The following SULT2B1 variants were observed in gnomAD, a reference collection of about 807,000 sequenced individuals.
SULT2B1 encodes the protein sulfotransferase 2B1.
A neutral mutation model predicts 33.2 loss-of-function variants in SULT2B1; 16 were observed. The observed-to-expected ratio is 0.48, with a 90% confidence interval of 0.33 to 0.73. The LOEUF (loss-of-function observed/expected upper bound fraction) is 0.73, where lower values mean the gene tolerates loss of function less well. Ranked by LOEUF, SULT2B1 falls within the 30% of genes least tolerant of loss-of-function variation. The probability of loss-of-function intolerance (pLI) is 0.02; values close to 1 mark genes in which losing one functional copy is unlikely to be tolerated. For synonymous variants in SULT2B1, 186 were observed against 200.5 expected (o/e 0.93, Z 0.61); for missense variants, 500 against 506.0 (o/e 0.99, Z 0.11).
At chr19:48,562,381 T>A (rs556069852) in intron 1 of SULT2B1, among the ~76,000 whole-genome samples, 1 of 149,922 alleles carries the variant, frequency 6.7e-6, no homozygotes, top group Admixed American at 6.7e-5. Flanking sequence ...AGCGAAACTC[T>A]GTCTCAAAAA....
At chr19:48,587,539 T>A in intron 3 of SULT2B1, 102 bp downstream of exon 3, 4 of 1,310,662 alleles carry the variant, frequency 3.1e-6, no homozygotes, top group Non-Finnish European at 4.3e-6. Context: ...ACCTATTTGT[T>A]AAACACCTAC....
Position 48,599,207 on chromosome 19 carries a change from AGATGCGGGG to A in SULT2B1, c.905_913del (p.Arg302_Met304del). ...GCCTTCGATCGTGCCTACCGCAAGC[AGATGCGGGG>A]GATGCCGACCTTCCCCTGGGATGAA... On this transcript the variant is annotated inframe_deletion, in exon 7 of 7. Transcript: ENST00000201586. This position sits in a 1 kb window ranked among gnomAD's most constrained non-coding sequence, Gnocchi z 4.1. The A allele has an allele frequency of 6.2e-7, 1 of 1,606,746 alleles. No individual in the cohort carries two copies.
Position 48,599,191 on chromosome 19 carries a change from C to G in SULT2B1, c.883C>G (p.Arg295Gly), listed in dbSNP as rs920026531. 4 of 1,603,450 alleles carry G rather than the reference C, an allele frequency of 2.5e-6. No homozygotes were observed. Among genetic ancestry groups the G allele is most frequent in the Non-Finnish European group, 3.4e-6 (4 of 1,177,204 alleles). The change falls in exon 7 of 7, where the codon CGT (arginine) becomes GGT (glycine). Residue 295 changes from arginine (R) to glycine (G), a missense_variant. Transcript: ENST00000201586. The surrounding 1 kb of genome is among the most constrained non-coding windows in gnomAD (Gnocchi z 4.1). ...GGTGGCCCAGAGCGAAGCCTTCGAT[C>G]GTGCCTACCGCAAGCAGATGCGGGG... is the stretch of plus-strand genomic sequence containing the variant. ...FTVAQSEAFDRAYRKQMRGMP... is the reference protein window; with the variant it reads ...FTVAQSEAFDGAYRKQMRGMP...
Position 48,576,359 on chromosome 19 carries a change from C to CTTTTCTTTTTTTTTTTTTTTTTTT in SULT2B1, c.214+280_214+281insCTTTTTTTTTTTTTTTTTTTTTTT. 2.2e-4 allele frequency among the ~76,000 whole-genome samples: 21 copies of CTTTTCTTTTTTTTTTTTTTTTTTT among 96,708 alleles called. 2 individuals are homozygous for CTTTTCTTTTTTTTTTTTTTTTTTT. Among genetic ancestry groups the CTTTTCTTTTTTTTTTTTTTTTTTT allele is most frequent in the African/African-American group, 4.7e-4 (11 of 23,308 alleles). 63.4% of individuals were successfully genotyped at this position (96,708 alleles called of 152,430 possible). A position where few individuals can be genotyped will look rare whatever the true frequency, so the allele number is the denominator to read the frequency against. Reference sequence around the variant, plus strand: ...CCTTTCCCCTTTACCCTCTACTTCTCTTTTTTTTTTTTTTTTTTGTAGAGA... The same window carrying CTTTTCTTTTTTTTTTTTTTTTTTT: ...CCTTTCCCCTTTACCCTCTACTTCTCTTTTCTTTTTTTTTTTTTTTTTTTTTTTTTTTTTTTTTTTTTGTAGAGA... On this transcript the variant is annotated intron_variant, in intron 2 of 6. Transcript: ENST00000201586.
intron 1 of SULT2B1, among the ~76,000 whole-genome samples, chr19:48,562,601 A>AT (rs1399010958): frequency 6.6e-6 from 1 of 152,032 alleles, no homozygotes; most frequent in Non-Finnish European, 1.5e-5. Flanking sequence ...GTTTATATGG[A>AT]TTTTTATTAT....
In SULT2B1 at chr19:48,552,233, C is replaced by G. The variant is rs772442866; in HGVS notation, c.-20C>G. 1 of 1,612,734 alleles carries G rather than the reference C, an allele frequency of 6.2e-7. No individual in the cohort carries two copies. The highest frequency in any genetic ancestry group is 1.1e-5 in the South Asian group (1 of 90,910). On this transcript the variant is annotated 5_prime_UTR_variant, in exon 1 of 7. Transcript: ENST00000201586. This position sits in a 1 kb window ranked among gnomAD's most constrained non-coding sequence, Gnocchi z 4.8. Reference sequence around the variant, plus strand: ...CCTGCTCCCTGCTCGTCCTCCCCTCCCCACCCTCACCCACCTGCCATGGAC... The same window carrying G: ...CCTGCTCCCTGCTCGTCCTCCCCTCGCCACCCTCACCCACCTGCCATGGAC...
At chr19:48,585,602 G>A (rs1973550414) in intron 2 of SULT2B1, among the ~76,000 whole-genome samples, 1 of 150,932 alleles carries the variant, frequency 6.6e-6, no homozygotes, top group Admixed American at 6.6e-5. Flanking sequence ...CCGGGAGGCG[G>A]AGGTTGCAGT....
At chr19:48,591,494 G>C in intron 3 of SULT2B1, 115 bp from the exon 4 acceptor site, 1 of 1,249,098 alleles carries the variant, frequency 8.0e-7, no homozygotes, top group Non-Finnish European at 1.1e-6. Context: ...AGTCTGCCCT[G>C]AGTCCTTCCT....
intron 1 of SULT2B1, among the ~76,000 whole-genome samples, chr19:48,566,362 G>A (rs1190529663): frequency 6.6e-6 from 1 of 152,066 alleles, no homozygotes; most frequent in African/African-American, 2.4e-5. Flanking sequence ...GGGATCACAG[G>A]CACGAGCCAC....
intron 1 of SULT2B1, among the ~76,000 whole-genome samples, chr19:48,573,563 G>A (rs1369569677): frequency 2.0e-5 from 3 of 152,126 alleles, no homozygotes; most frequent in African/African-American, 7.2e-5. Flanking sequence ...GGCCCAGAGA[G>A]TGGCAGGGTC....
At chr19:48,597,864 C>T (rs533355325) in intron 6 of SULT2B1, among the ~76,000 whole-genome samples, 35 of 149,110 alleles carry the variant, frequency 2.3e-4, no homozygotes, top group South Asian at 1.3e-3. Context: ...AGGATGGTCT[C>T]GATCTCCTGA....
chr19:48,555,690 TCAGCCTC>T lies in SULT2B1; in HGVS notation c.71+3371_71+3377del, dbSNP rs1466059466. ...TCTGGATTCAAGTGATTCTCTTGCC[TCAGCCTC>T]CAGAGTAGCTGGGATTACAGGCATG... On this transcript the variant is annotated intron_variant, in intron 1 of 6. Coordinates refer to ENST00000201586, the MANE Select transcript of SULT2B1 (RefSeq NM_177973.2). Among the ~76,000 whole-genome samples, 3 of 152,100 alleles carry T rather than the reference TCAGCCTC, an allele frequency of 2.0e-5. No individual in the cohort carries two copies. In the East Asian group the frequency reaches 5.8e-4, roughly 29 times the overall value.
At chr19:48,565,174 C>T (rs532541335) in intron 1 of SULT2B1, among the ~76,000 whole-genome samples, 10 of 152,082 alleles carry the variant, frequency 6.6e-5, no homozygotes, top group Admixed American at 2.6e-4. Flanking sequence ...GACCCGCCTC[C>T]GTAGGCCTCC....
At chr19:48,561,774 T>A (rs902544180) in intron 1 of SULT2B1, among the ~76,000 whole-genome samples, 1 of 152,110 alleles carries the variant, frequency 6.6e-6, no homozygotes, top group African/African-American at 2.4e-5. Flanking sequence ...ATCAGGCAGA[T>A]GTGGGTGAGA....
In SULT2B1 at chr19:48,561,603, G is replaced by A. The variant is rs544184338; in HGVS notation, c.71+9280G>A. 3.3e-5 allele frequency among the ~76,000 whole-genome samples: 5 copies of A among 152,216 alleles called. No homozygotes were observed. The South Asian group carries it at 1.0e-3, about 32-fold the overall frequency. ...GTCGTGCAGGGTGCGGTTCCACGGTGTAGTGGAGCATGCGACATTCAGGGA... is the reference window on the plus strand; with the variant it reads ...GTCGTGCAGGGTGCGGTTCCACGGTATAGTGGAGCATGCGACATTCAGGGA... On this transcript the variant is annotated intron_variant, in intron 1 of 6. Coordinates refer to ENST00000201586, the MANE Select transcript of SULT2B1 (RefSeq NM_177973.2).
At chr19:48,563,959 CAAA>C (rs35211958) in intron 1 of SULT2B1, among the ~76,000 whole-genome samples, 4 of 117,314 alleles carry the variant, frequency 3.4e-5, no homozygotes, top group Non-Finnish European at 3.6e-5. Flanking sequence ...GACTTCCTCT[CAAA>C]AAAAAAAAAA....
At chr19:48,593,703 C>T (rs1052876655) in intron 5 of SULT2B1, among the ~76,000 whole-genome samples, 2 of 150,944 alleles carry the variant, frequency 1.3e-5, no homozygotes, top group African/African-American at 2.4e-5. Flanking sequence ...GGCATGATCT[C>T]GGCTCACCGC....
intron 1 of SULT2B1, among the ~76,000 whole-genome samples, chr19:48,557,266 T>C (rs1973111303): frequency 6.6e-6 from 1 of 151,990 alleles, no homozygotes; most frequent in Non-Finnish European, 1.5e-5. Context: ...GAGATCGGGC[T>C]CTGTGGCTCA....
intron 2 of SULT2B1, among the ~76,000 whole-genome samples, chr19:48,576,816 T>G (rs1973418604): frequency 6.7e-6 from 1 of 149,070 alleles, no homozygotes; most frequent in East Asian, 2.0e-4. Context: ...AACTTTTGTG[T>G]TTTTTGTAGG....
Sources: allele counts gnomAD v4.1 joint callset (sites outside exome capture counted in the v4.1 genomes callset), GRCh38; gene constraint gnomAD v4.1.1; non-coding constraint Gnocchi (gnomAD v3.1); transcripts MANE v1.5; gene names NCBI Gene and HGNC (gene_info 2026-07-23, HGNC 2026-07-21).